The following JADE3 variants were observed in gnomAD, a reference collection of about 807,000 sequenced individuals.
JADE3 encodes the protein jade family PHD finger 3, also known as protein Jade-3.
A neutral mutation model predicts 50.1 loss-of-function variants in JADE3; 2 were observed. The ratio of observed to expected loss-of-function variants is 0.04; its 90% CI spans 0.02 to 0.13. The LOEUF (loss-of-function observed/expected upper bound fraction) is 0.13. Among genes scored for constraint, JADE3 ranks in the 10% least tolerant of loss-of-function variants. JADE3 has a pLI of 1.00. For missense variants in JADE3, 475 were observed against 634.4 expected, an observed-to-expected ratio of 0.75 and a Z score of 2.70; for synonymous variants, 218 against 232.9, an observed-to-expected ratio of 0.94 and a Z score of 0.58.
At chrX:47,050,987 C>T (rs1166747304) in intron 8 of JADE3, among the ~76,000 whole-genome samples, 2 of 111,858 alleles carry the variant, frequency 1.8e-5, no homozygotes, top group Non-Finnish European at 3.8e-5. Context: ...TCCTCATTTT[C>T]GAGAGGCTTC....
At chrX:47,052,983 G>A (rs781959375) in intron 8 of JADE3, among the ~76,000 whole-genome samples, 1 of 110,799 alleles carries the variant, frequency 9.0e-6, no homozygotes, top group South Asian at 3.9e-4. Context: ...TTGAACCTGG[G>A]AGGCAGAGGT....
At position 46,997,717 on chromosome X, in the gene JADE3, C is replaced by A. The variant is rs184750077; in HGVS notation, c.127-403C>A. The stretch of plus-strand genomic sequence containing the variant: ...ATATGGAAACTTTACTATTTGATAA[C>A]TTTTCTTTAAGTCTAAAATTATTTC... On this transcript the variant is annotated intron_variant, in intron 3 of 10. Coordinates refer to ENST00000614628, the MANE Select transcript of JADE3 (RefSeq NM_014735.5). Among the ~76,000 whole-genome samples the A allele has an allele frequency of 9.8e-5, 11 of 112,058 alleles. No homozygotes were observed. In the East Asian group the frequency reaches 3.1e-3, roughly 31 times the overall value.
chrX:46,981,496 G>A (rs1294397046), intron 1 of JADE3, among the ~76,000 whole-genome samples: 1 of 111,781 alleles, frequency 8.9e-6, no homozygotes, highest in African/African-American at 3.2e-5. Context: ...GTGTCTTGTT[G>A]TTACTGTTGG....
intron 1 of JADE3, among the ~76,000 whole-genome samples, chrX:46,928,965 G>A (rs781820118): frequency 8.9e-5 from 10 of 111,794 alleles, no homozygotes; most frequent in Non-Finnish European, 1.7e-4. Context: ...CAATAGTTAG[G>A]AAAAGAAATA....
chrX:47,033,811 G>A (rs1556367289), intron 7 of JADE3, 23 bp downstream of exon 7: 2 of 1,127,851 alleles, frequency 1.8e-6, no homozygotes, highest in East Asian at 6.6e-5. Context: ...CCAGGCCCGT[G>A]AGACCATTTG....
At chrX:46,994,891 A>G (rs1273494152) in intron 3 of JADE3, among the ~76,000 whole-genome samples, 1 of 111,472 alleles carries the variant, frequency 9.0e-6, no homozygotes, top group African/African-American at 3.3e-5. Context: ...CTTTACAACA[A>G]CCCCTATGAG....
At chrX:47,035,607 G>C (rs782297217) in intron 7 of JADE3, among the ~76,000 whole-genome samples, 39 of 111,227 alleles carry the variant, frequency 3.5e-4, no homozygotes, top group African/African-American at 1.2e-3. Flanking sequence ...ATTCTCTTAT[G>C]ATTTCTAGTT....
At chrX:46,917,184 A>G (rs1277679051) in intron 1 of JADE3, among the ~76,000 whole-genome samples, 3 of 93,323 alleles carry the variant, frequency 3.2e-5, no homozygotes, top group Non-Finnish European at 6.2e-5. Flanking sequence ...AATGCAATGT[A>G]TGGGGAAATT....
chrX:46,988,879 G>A (rs1033688135), intron 3 of JADE3, among the ~76,000 whole-genome samples: 12 of 111,965 alleles, frequency 1.1e-4, no homozygotes, highest in African/African-American at 3.6e-4. Context: ...TCGCTCTGTC[G>A]CTCAGGCTAG....
intron 1 of JADE3, among the ~76,000 whole-genome samples, chrX:46,923,831 A>G (rs1297414524): frequency 9.0e-6 from 1 of 111,000 alleles, no homozygotes; most frequent in Non-Finnish European, 1.9e-5. Flanking sequence ...TCCCAGTTGT[A>G]TTCTATTGTT....
intron 3 of JADE3, among the ~76,000 whole-genome samples, chrX:46,996,676 A>G (rs1928136196): frequency 9.0e-6 from 1 of 111,479 alleles, no homozygotes; most frequent in Non-Finnish European, 1.9e-5. Context: ...TGATCACACT[A>G]CCTTCTCCTC....
intron 1 of JADE3, among the ~76,000 whole-genome samples, chrX:46,944,976 TGA>T (rs1440661245): frequency 9.2e-6 from 1 of 108,735 alleles, no homozygotes; most frequent in Non-Finnish European, 1.9e-5. Flanking sequence ...CCCAAGTAGC[TGA>T]GACTACAGGC....
intron 1 of JADE3, among the ~76,000 whole-genome samples, chrX:46,979,407 A>C (rs958107049): frequency 2.7e-5 from 3 of 111,796 alleles, no homozygotes; most frequent in Non-Finnish European, 5.6e-5. Flanking sequence ...ACTCTCAGGG[A>C]GGTGAGGAGA....
chrX:46,982,539 T>C (rs1927778549), intron 1 of JADE3, among the ~76,000 whole-genome samples: 1 of 111,657 alleles, frequency 9.0e-6, no homozygotes, highest in Non-Finnish European at 1.9e-5. Flanking sequence ...TTTTGGATAA[T>C]ATATTGTAAC....
At chrX:46,996,422 C>G (rs1049360376) in intron 3 of JADE3, among the ~76,000 whole-genome samples, 2 of 112,346 alleles carry the variant, frequency 1.8e-5, no homozygotes, top group African/African-American at 6.5e-5. Flanking sequence ...CTTCAAGTTA[C>G]TCTTCTGTTT....
chrX:46,961,620 C>T (rs782793558), intron 1 of JADE3, among the ~76,000 whole-genome samples: 1 of 111,791 alleles, frequency 8.9e-6, no homozygotes, highest in Non-Finnish European at 1.9e-5. Flanking sequence ...CTTAATTAGA[C>T]TGTGCAATAA....
At chrX:47,008,919 G>A (rs1928497304) in intron 4 of JADE3, among the ~76,000 whole-genome samples, 1 of 111,190 alleles carries the variant, frequency 9.0e-6, no homozygotes, top group African/African-American at 3.3e-5. Flanking sequence ...CCCAAATCAT[G>A]TATATGATGA....
intron 1 of JADE3, among the ~76,000 whole-genome samples, chrX:46,932,213 G>A (rs1205513395): frequency 9.0e-6 from 1 of 111,730 alleles, no homozygotes; most frequent in Non-Finnish European, 1.9e-5. Flanking sequence ...ATTGGCTGAC[G>A]GGCCCACCCA....
chrX:47,040,804 T>C (rs1396537069), intron 8 of JADE3, among the ~76,000 whole-genome samples: 1 of 111,032 alleles, frequency 9.0e-6, no homozygotes, highest in East Asian at 2.8e-4. Context: ...AGGCTTATCG[T>C]GTAGATTTCT....
Sources: allele counts gnomAD v4.1 joint callset (sites outside exome capture counted in the v4.1 genomes callset), GRCh38; gene constraint gnomAD v4.1.1; transcripts MANE v1.5; gene names NCBI Gene and HGNC (gene_info 2026-07-23, HGNC 2026-07-21).